CIMAP2: variants seen among roughly 807,000 people sequenced by gnomAD.
CIMAP2 encodes ciliary microtubule-associated protein 2.
the CIMAP2 span, among the ~76,000 whole-genome samples, chr1:54,828,740 A>G: frequency 6.6e-6 from 1 of 152,330 alleles, no homozygotes; most frequent in Non-Finnish European, 1.5e-5. Flanking sequence ...CATTTGGGAT[A>G]AACTTAATAT....
the CIMAP2 span, chr1:54,812,199 CA>C: frequency 6.2e-7 from 1 of 1,614,166 alleles, no homozygotes; most frequent in Non-Finnish European, 8.5e-7. Flanking sequence ...GGTGTGTACC[CA>C]GGGGTTGAAG....
chr1:54,823,940 T>A, the CIMAP2 span, among the ~76,000 whole-genome samples: 1 of 152,104 alleles, frequency 6.6e-6, no homozygotes, highest in South Asian at 2.1e-4. Flanking sequence ...GGTTGGCAGT[T>A]TTTTTGTTTG....
the CIMAP2 span, chr1:54,807,458 T>C: frequency 5.6e-6 from 8 of 1,439,968 alleles, no homozygotes; most frequent in Non-Finnish European, 6.4e-6. Context: ...GGTGGCTTGG[T>C]GAGGGCCTGC....
chr1:54,820,324 C>T, the CIMAP2 span, among the ~76,000 whole-genome samples: 1 of 151,866 alleles, frequency 6.6e-6, no homozygotes, highest in African/African-American at 2.4e-5. Flanking sequence ...TGCACCAGCA[C>T]ACCTGGCTAA....
the CIMAP2 span, among the ~76,000 whole-genome samples, chr1:54,834,509 T>C: frequency 6.6e-6 from 1 of 152,222 alleles, no homozygotes; most frequent in South Asian, 2.1e-4. Flanking sequence ...GAAAGAATTT[T>C]ACAGTGTATA....
At chr1:54,829,100 T>C in the CIMAP2 span, among the ~76,000 whole-genome samples, 1 of 152,240 alleles carries the variant, frequency 6.6e-6, no homozygotes, top group Non-Finnish European at 1.5e-5. Context: ...GGTTAACAGA[T>C]TCTTTCATAT....
the CIMAP2 span, chr1:54,813,902 A>G: frequency 6.2e-7 from 1 of 1,613,782 alleles, no homozygotes; most frequent in Non-Finnish European, 8.5e-7. Context: ...GTTTTTTCTA[A>G]ACTTCCCCGA....
At chr1:54,826,315 C>T in the CIMAP2 span, among the ~76,000 whole-genome samples, 1 of 152,180 alleles carries the variant, frequency 6.6e-6, no homozygotes, top group African/African-American at 2.4e-5. Context: ...TTATTTAGTA[C>T]ACTGCCCTGC....
chr1:54,811,765 G>GCCGGGGGGGGGGGGCC, the CIMAP2 span: 7 of 1,301,324 alleles, frequency 5.4e-6, no homozygotes, highest in African/African-American at 1.5e-5. Context: ...GGTTCTGACA[G>GCCGGGGGGGGGGGGCC]CCTCCATGCC....
the CIMAP2 span, chr1:54,811,712 A>G: frequency 4.0e-5 from 43 of 1,064,960 alleles, no homozygotes; most frequent in Non-Finnish European, 5.5e-5. Flanking sequence ...TGGGGATGGC[A>G]ATCTCAGGTG....
the CIMAP2 span, among the ~76,000 whole-genome samples, chr1:54,824,583 C>CT: frequency 1.3e-5 from 2 of 151,672 alleles, no homozygotes; most frequent in Non-Finnish European, 2.9e-5. Context: ...TTTTTTTCTT[C>CT]TTTTTTCTGT....
At chr1:54,834,338 G>T in the CIMAP2 span, among the ~76,000 whole-genome samples, 1 of 152,176 alleles carries the variant, frequency 6.6e-6, no homozygotes. Flanking sequence ...TTTGTTAAAT[G>T]ATGAGTCAGT....
chr1:54,838,588 A>C, the CIMAP2 span, among the ~76,000 whole-genome samples: 3 of 152,132 alleles, frequency 2.0e-5, no homozygotes, highest in Non-Finnish European at 4.4e-5. Flanking sequence ...TCCCAGGGCC[A>C]CAGCGAGTTA....
chr1:54,820,112 CTCTT>C, the CIMAP2 span, among the ~76,000 whole-genome samples: 2 of 8,314 alleles, frequency 2.4e-4, no homozygotes, highest in African/African-American at 4.0e-4. Flanking sequence ...TTCTCTCTCT[CTCTT>C]TCTTTCTTTC....
At chr1:54,816,028 C>T in the CIMAP2 span, among the ~76,000 whole-genome samples, 6 of 152,318 alleles carry the variant, frequency 3.9e-5, no homozygotes, top group Admixed American at 1.3e-4. Flanking sequence ...AGCCTGCACC[C>T]CCTGCAGGGG....
At chr1:54,832,655 C>G in the CIMAP2 span, among the ~76,000 whole-genome samples, 1 of 151,788 alleles carries the variant, frequency 6.6e-6, no homozygotes, top group Non-Finnish European at 1.5e-5. Flanking sequence ...AAGATTGAAA[C>G]CAAAAGAAGC....
At chr1:54,814,840 C>T in the CIMAP2 span, 201 of 1,595,822 alleles carry the variant, frequency 1.3e-4, no homozygotes, top group Non-Finnish European at 1.6e-4. Flanking sequence ...CTGGCCAGAG[C>T]CCTCACCTGC....
the CIMAP2 span, among the ~76,000 whole-genome samples, chr1:54,806,396 C>T: frequency 6.6e-6 from 1 of 152,156 alleles, no homozygotes; most frequent in African/African-American, 2.4e-5. Flanking sequence ...GGCTTTCTCT[C>T]CCCCTCTTGC....
the CIMAP2 span, among the ~76,000 whole-genome samples, chr1:54,837,881 A>G: frequency 7.2e-6 from 1 of 138,480 alleles, no homozygotes; most frequent in Non-Finnish European, 1.6e-5. Flanking sequence ...ATCTATACAG[A>G]TCATTTCATC....
Sources: gnomAD v4.1 joint callset for allele counts (sites outside exome capture counted in the v4.1 genomes callset) on GRCh38, gnomAD v4.1.1 for gene constraint, MANE v1.5 for transcripts, NCBI Gene and HGNC (gene_info 2026-07-23, HGNC 2026-07-21) for gene names.